Variants in GPC5 observed in about 807,000 individuals in gnomAD.
GPC5 encodes glypican 5.
A neutral mutation model predicts 53.9 loss-of-function variants in GPC5; 47 were observed. The observed-to-expected ratio is 0.87, with a 90% CI of 0.69 to 1.11. The LOEUF (loss-of-function observed/expected upper bound fraction) is 1.11, where lower values mean the gene tolerates loss of function less well. GPC5 is among the 50% of genes most tolerant of loss of function. The pLI, the probability that GPC5 is intolerant of heterozygous loss-of-function variation, is 0.00. For missense variants in GPC5, 748 were observed against 713.1 expected (o/e 1.05, Z -0.56); for synonymous variants, 286 against 263.3 (o/e 1.09, Z -0.84).
intron 7 of GPC5, among the ~76,000 whole-genome samples, chr13:92,341,440 A>G (rs1414872710): frequency 2.0e-5 from 3 of 152,122 alleles, no homozygotes; most frequent in South Asian, 2.1e-4. Context: ...ATAGAAGACA[A>G]TATCATACAA....
At chr13:92,290,398 T>G (rs2042985114) in intron 7 of GPC5, among the ~76,000 whole-genome samples, 1 of 152,198 alleles carries the variant, frequency 6.6e-6, no homozygotes, top group Non-Finnish European at 1.5e-5. Context: ...CAGTAAGTTC[T>G]TTAGTGGTGA....
At chr13:92,508,203 C>A (rs1197620893) in intron 7 of GPC5, among the ~76,000 whole-genome samples, 3 of 152,170 alleles carry the variant, frequency 2.0e-5, no homozygotes, top group African/African-American at 7.2e-5. Flanking sequence ...ACTTCGTGAT[C>A]TTCCCGCCTC....
intron 7 of GPC5, among the ~76,000 whole-genome samples, chr13:92,726,175 C>T (rs951745920): frequency 6.6e-6 from 1 of 151,466 alleles, no homozygotes; most frequent in Non-Finnish European, 1.5e-5. Context: ...AATTCTCTCT[C>T]CCACTTCAGG....
intron 6 of GPC5, among the ~76,000 whole-genome samples, chr13:91,998,608 A>T (rs1002670738): frequency 2.0e-5 from 3 of 152,214 alleles, no homozygotes; most frequent in Non-Finnish European, 4.4e-5. Flanking sequence ...GATGATAAAC[A>T]CATTATCATA....
rs143404723 is a variant in GPC5 at position 92,551,998 on chromosome 13, T to A, written c.1562-314284T>A. On this transcript the variant is annotated intron_variant, in intron 7 of 7. Transcript: ENST00000377067. The stretch of plus-strand genomic sequence containing the variant: ...AACATACTAAAATAGTCAGCACTTC[T>A]CTGAGATGTTACTGTGCTAATAATG... Among the ~76,000 whole-genome samples, 733 of 152,048 alleles carry A rather than the reference T, an allele frequency of 4.8e-3. 8 individuals are homozygous for A. Among genetic ancestry groups the A allele is most frequent in the African/African-American group, 0.016 (673 of 41,550 alleles).
At position 92,427,187 on chromosome 13, in the gene GPC5, C is replaced by T. The variant is rs562764043; in HGVS notation, c.1561+282198C>T. Among the ~76,000 whole-genome samples, 6 of 151,298 alleles carry T rather than the reference C, an allele frequency of 4.0e-5. No homozygotes were observed. The East Asian group carries it at 9.7e-4, about 24-fold the overall frequency. On this transcript the variant is annotated intron_variant, in intron 7 of 7. Coordinates refer to ENST00000377067, the MANE Select transcript of GPC5 (RefSeq NM_004466.6). Reference sequence around the variant, plus strand: ...TTTGATTTATCAGAATATAGCAGGTCGATTTCTAAGTTGGAAGCTAAGAAG... The same window carrying T: ...TTTGATTTATCAGAATATAGCAGGTTGATTTCTAAGTTGGAAGCTAAGAAG...
intron 7 of GPC5, among the ~76,000 whole-genome samples, chr13:92,667,235 A>T (rs1039024424): frequency 2.0e-5 from 3 of 152,174 alleles, no homozygotes; most frequent in African/African-American, 7.2e-5. Flanking sequence ...GTCCATAAAA[A>T]TGCCACTGTT....
chr13:92,211,896 C>CT (rs1294914986), intron 7 of GPC5, among the ~76,000 whole-genome samples: 2 of 152,166 alleles, frequency 1.3e-5, no homozygotes, highest in African/African-American at 4.8e-5. Flanking sequence ...GGCAGCCTTT[C>CT]TGACAGCATC....
chr13:91,399,204 G>C lies in GPC5; in HGVS notation c.158G>C (p.Arg53Pro). The C allele has an allele frequency of 1.2e-6, 2 of 1,611,676 alleles. No individual in the cohort carries two copies. Among genetic ancestry groups the C allele is most frequent in the Non-Finnish European group, 1.7e-6 (2 of 1,179,532 alleles). Reference protein sequence around the residue: ...GAVRGLPDSPRAGPDLQVCIS... With the variant: ...GAVRGLPDSPPAGPDLQVCIS... Reference sequence around the variant, plus strand: ...GTCAGGGGGCTGCCGGATTCGCCGCGGGCAGGTAAGGGGCAATGAGGGGGT... The same window carrying C: ...GTCAGGGGGCTGCCGGATTCGCCGCCGGCAGGTAAGGGGCAATGAGGGGGT... The change falls in exon 1 of 8, where the codon CGG becomes CCG. Residue 53 changes from arginine to proline, a missense_variant. Transcript: ENST00000377067.
chr13:92,444,440 A>G (rs1293974253), intron 7 of GPC5, among the ~76,000 whole-genome samples: 1 of 152,166 alleles, frequency 6.6e-6, no homozygotes, highest in African/African-American at 2.4e-5. Flanking sequence ...TCAGGGTCTC[A>G]ATTAGATCAG....
intron 7 of GPC5, among the ~76,000 whole-genome samples, chr13:92,516,111 G>T (rs1880767027): frequency 6.6e-6 from 1 of 151,880 alleles, no homozygotes; most frequent in Non-Finnish European, 1.5e-5. Flanking sequence ...TGCATGCATG[G>T]GTTACTAAAG....
rs193278680 is a variant in GPC5, at chr13:91,511,756, T to A, written c.325+62834T>A. Among the ~76,000 whole-genome samples the A allele has an allele frequency of 2.6e-4, 39 of 152,274 alleles. No homozygotes were observed. In the East Asian group the frequency reaches 4.4e-3, roughly 17 times the overall value. On this transcript the variant is annotated intron_variant, in intron 2 of 7. Coordinates refer to ENST00000377067, the MANE Select transcript of GPC5 (RefSeq NM_004466.6). ...AAATTTCCCATCTCTTCATGCATGTTATCTACCCTTTCTATTATATTACTT... is the reference window on the plus strand; with the variant it reads ...AAATTTCCCATCTCTTCATGCATGTAATCTACCCTTTCTATTATATTACTT...
intron 6 of GPC5, among the ~76,000 whole-genome samples, chr13:91,913,768 G>T (rs575486945): frequency 6.6e-4 from 100 of 152,150 alleles, no homozygotes; most frequent in African/African-American, 2.4e-3. Flanking sequence ...TTGCTTTCTG[G>T]CACTTTCCTG....
intron 2 of GPC5, among the ~76,000 whole-genome samples, chr13:91,675,162 G>GA (rs869227257): frequency 3.0e-4 from 40 of 135,282 alleles, no homozygotes; most frequent in Admixed American, 2.2e-3. Context: ...AAACTCAGGG[G>GA]AAAAAAAAAC....
At chr13:92,211,774 TTAGA>T (rs2042377061) in intron 7 of GPC5, among the ~76,000 whole-genome samples, 1 of 152,148 alleles carries the variant, frequency 6.6e-6, no homozygotes, top group Admixed American at 6.5e-5. Flanking sequence ...AGCTCCTGAA[TTAGA>T]TAGGCTCAAT....
At chr13:92,842,467 T>C (rs959222563) in intron 7 of GPC5, among the ~76,000 whole-genome samples, 6 of 152,124 alleles carry the variant, frequency 3.9e-5, no homozygotes, top group African/African-American at 1.4e-4. Flanking sequence ...TAAGCAAGTA[T>C]GCACTTTTGC....
intron 7 of GPC5, among the ~76,000 whole-genome samples, chr13:92,430,796 A>G (rs1458663600): frequency 6.6e-6 from 1 of 152,142 alleles, no homozygotes; most frequent in Non-Finnish European, 1.5e-5. Context: ...AAGTCATAAG[A>G]GTAAAAAGGA....
chr13:92,052,471 T>C (rs757646282), intron 6 of GPC5, among the ~76,000 whole-genome samples: 19 of 152,146 alleles, frequency 1.2e-4, no homozygotes, highest in Admixed American at 7.2e-4. Context: ...GTGGCCAGCT[T>C]TTATTTCCTT....
chr13:91,506,253 A>G (rs1036538154), intron 2 of GPC5, among the ~76,000 whole-genome samples: 2 of 152,138 alleles, frequency 1.3e-5, no homozygotes, highest in Admixed American at 1.3e-4. Context: ...ACTAGAGCAT[A>G]ATAAATATAA....
Sources: allele counts gnomAD v4.1 joint callset (sites outside exome capture counted in the v4.1 genomes callset), GRCh38; gene constraint gnomAD v4.1.1; transcripts MANE v1.5; gene names NCBI Gene and HGNC (gene_info 2026-07-23, HGNC 2026-07-21).